The following TSPAN15 variants were observed in gnomAD, a reference collection of about 807,000 sequenced individuals.
The protein encoded by TSPAN15 is tetraspanin-15.
Under a neutral mutation model 34.5 loss-of-function variants are expected in TSPAN15, and 20 were observed. The observed-to-expected ratio is 0.58, with a 90% CI of 0.41 to 0.84. The LOEUF (loss-of-function observed/expected upper bound fraction) is 0.84. Among genes scored for constraint, TSPAN15 ranks in the 40% least tolerant of loss-of-function variants. The pLI, the probability that TSPAN15 is intolerant of heterozygous loss-of-function variation, is 0.00. For missense variants in TSPAN15, 313 were observed against 386.1 expected, an observed-to-expected ratio of 0.81 and a Z score of 1.59; for synonymous variants, 155 against 153.9, an observed-to-expected ratio of 1.01 and a Z score of -0.05.
intron 3 of TSPAN15, among the ~76,000 whole-genome samples, chr10:69,490,738 C>G (rs1439216831): frequency 6.6e-6 from 1 of 152,146 alleles, no homozygotes; most frequent in Non-Finnish European, 1.5e-5. Context: ...CAAAACAAAA[C>G]AAAACAAAAA....
intron 1 of TSPAN15, among the ~76,000 whole-genome samples, chr10:69,452,793 C>T (rs1199452578): frequency 6.6e-6 from 1 of 152,208 alleles, no homozygotes; most frequent in African/African-American, 2.4e-5. Flanking sequence ...CAAGAGCAGA[C>T]TTGCCCAGGG....
chr10:69,502,176 C>T (rs929471041), intron 5 of TSPAN15, among the ~76,000 whole-genome samples: 4 of 152,154 alleles, frequency 2.6e-5, no homozygotes, highest in Admixed American at 1.3e-4. Context: ...TTTTCCCTAA[C>T]ACTCAGCTTT....
the TSPAN15 span, among the ~76,000 whole-genome samples, chr10:69,518,038 C>G: frequency 6.6e-6 from 1 of 152,180 alleles, no homozygotes; most frequent in Non-Finnish European, 1.5e-5. Flanking sequence ...TTCCTCAGTT[C>G]TACATTGCAT....
At chr10:69,522,965 T>C in the TSPAN15 span, among the ~76,000 whole-genome samples, 1 of 148,058 alleles carries the variant, frequency 6.8e-6, no homozygotes, top group African/African-American at 2.5e-5. Flanking sequence ...ACCTGTACTT[T>C]TGATGTCATA....
chr10:69,495,228 G>C (rs1842052916), intron 3 of TSPAN15: 1 of 198,294 alleles, frequency 5.0e-6, no homozygotes, highest in Admixed American at 5.6e-5. Context: ...AAAGAGCACT[G>C]GGCCTGGAAC....
At chr10:69,451,912 G>A (rs1409155197) in intron 1 of TSPAN15, among the ~76,000 whole-genome samples, 2 of 152,206 alleles carry the variant, frequency 1.3e-5, no homozygotes, top group Non-Finnish European at 2.9e-5. Context: ...GACCGACCGA[G>A]TGCCACCTGG....
downstream of TSPAN15, among the ~76,000 whole-genome samples, chr10:69,508,002 T>A (rs1171762446): frequency 6.6e-6 from 1 of 152,156 alleles, no homozygotes; most frequent in Non-Finnish European, 1.5e-5. Flanking sequence ...GCCTAATGGC[T>A]GCCGCGCAAC....
At chr10:69,497,478 C>T (rs1458391149) in intron 4 of TSPAN15, among the ~76,000 whole-genome samples, 1 of 152,214 alleles carries the variant, frequency 6.6e-6, no homozygotes, top group Non-Finnish European at 1.5e-5. Flanking sequence ...TTTCTGTTTC[C>T]ATGTTTCAGA....
the TSPAN15 span, among the ~76,000 whole-genome samples, chr10:69,524,156 T>C: frequency 6.8e-6 from 1 of 147,906 alleles, no homozygotes; most frequent in African/African-American, 2.5e-5. Context: ...TATTAGGAGA[T>C]TTAGTTATAG....
chr10:69,494,513 G>A (rs538661130), intron 3 of TSPAN15: 1 of 395,096 alleles, frequency 2.5e-6, no homozygotes, highest in Non-Finnish European at 3.4e-6. Flanking sequence ...CCAGGTGGCT[G>A]TAGGGAGGTG....
chr10:69,456,022 A>T (rs1384709286), intron 1 of TSPAN15, among the ~76,000 whole-genome samples: 1 of 152,064 alleles, frequency 6.6e-6, no homozygotes, highest in Non-Finnish European at 1.5e-5. Flanking sequence ...GATGTTATTA[A>T]ATTGTCCTAT....
intron 1 of TSPAN15, among the ~76,000 whole-genome samples, chr10:69,480,990 G>A (rs958470173): frequency 4.6e-5 from 7 of 152,164 alleles, no homozygotes; most frequent in Non-Finnish European, 8.8e-5. Flanking sequence ...GAGCCACTGC[G>A]CCCGGCCTGG....
the TSPAN15 span, among the ~76,000 whole-genome samples, chr10:69,526,552 T>C: frequency 6.8e-6 from 1 of 148,022 alleles, no homozygotes; most frequent in African/African-American, 2.5e-5. Flanking sequence ...CCAGCACTTC[T>C]GGAGGCTGAG....
At chr10:69,539,482 G>GAGAAGGAGAAGAAGAAGAAGAAGA in the TSPAN15 span, among the ~76,000 whole-genome samples, 1 of 67,030 alleles carries the variant, frequency 1.5e-5, no homozygotes, top group East Asian at 8.8e-4. Flanking sequence ...GAAGGAGAAG[G>GAGAAGGAGAAGAAGAAGAAGAAGA]AGAAGAAGAA....
chr10:69,491,574 G>A (rs541233845), intron 3 of TSPAN15, among the ~76,000 whole-genome samples: 10 of 147,994 alleles, frequency 6.8e-5, no homozygotes, highest in Admixed American at 4.0e-4. Context: ...TGTTGCCCAG[G>A]TTGGTCTCGA....
At position 69,507,431 on chromosome 10, in the gene TSPAN15, C is replaced by A. The variant is rs551250217; in HGVS notation, c.*453C>A. 2 of 1,281,330 alleles carry A rather than the reference C, an allele frequency of 1.6e-6. No individual in the cohort carries two copies. The allele number at this position is 1,281,330 out of a possible 1,614,324, so 79.4% of individuals were successfully genotyped here. On this transcript the variant is annotated 3_prime_UTR_variant, in exon 8 of 8. Coordinates refer to ENST00000373290, the MANE Select transcript of TSPAN15 (RefSeq NM_012339.5). ...GAGGGAAGAGCTGTCCATGCAGCCACGCCCATGGCCAGGTTGGCCTCTTCT... is the reference window on the plus strand; with the variant it reads ...GAGGGAAGAGCTGTCCATGCAGCCAAGCCCATGGCCAGGTTGGCCTCTTCT...
chr10:69,504,896 C>A (rs1212359478), intron 6 of TSPAN15, among the ~76,000 whole-genome samples: 2 of 152,136 alleles, frequency 1.3e-5, no homozygotes, highest in Non-Finnish European at 2.9e-5. Context: ...CTGGGCAACA[C>A]CCCTGGTCTA....
intron 1 of TSPAN15, among the ~76,000 whole-genome samples, chr10:69,467,404 A>T (rs1414871198): frequency 6.6e-6 from 1 of 152,164 alleles, no homozygotes; most frequent in East Asian, 1.9e-4. Flanking sequence ...GATGGCACTG[A>T]ATCTGGTCTG....
At chr10:69,468,127 C>T (rs536869595) in intron 1 of TSPAN15, among the ~76,000 whole-genome samples, 1 of 151,844 alleles carries the variant, frequency 6.6e-6, no homozygotes, top group South Asian at 2.1e-4. Context: ...CCCCCCTCCC[C>T]CACGTTCTCA....
Sources: gnomAD v4.1 joint callset for allele counts (sites outside exome capture counted in the v4.1 genomes callset) on GRCh38, gnomAD v4.1.1 for gene constraint, MANE v1.5 for transcripts, NCBI Gene and HGNC (gene_info 2026-07-23, HGNC 2026-07-21) for gene names.